LRRC31: variants seen among roughly 807,000 people sequenced by gnomAD.
The protein encoded by LRRC31 is leucine rich repeat containing 31.
LRRC31 carries 35 observed loss-of-function variants against 46.7 expected under a neutral mutation model. The observed-to-expected ratio is 0.75, with a 90% CI of 0.57 to 0.99. The LOEUF (loss-of-function observed/expected upper bound fraction) is 0.99. Ranked by LOEUF, LRRC31 falls within the 50% of genes least tolerant of loss-of-function variation. LRRC31 has a pLI of 0.00. For missense variants in LRRC31, 613 were observed against 626.1 expected, an observed-to-expected ratio of 0.98 and a Z score of 0.22; for synonymous variants, 236 against 235.1, an observed-to-expected ratio of 1.00 and a Z score of -0.03.
chr3:169,857,279 A>G (rs949216873), intron 3 of LRRC31, among the ~76,000 whole-genome samples: 3 of 142,864 alleles, frequency 2.1e-5, no homozygotes, highest in Non-Finnish European at 4.5e-5. Context: ...TGGCCACCAC[A>G]GAGGTAAAGC....
chr3:169,865,565 TG>T (rs1198248565), intron 1 of LRRC31, among the ~76,000 whole-genome samples: 1 of 152,216 alleles, frequency 6.6e-6, no homozygotes, highest in African/African-American at 2.4e-5. Flanking sequence ...ATTGGTAACA[TG>T]GGTGGTACTG....
chr3:169,860,716 G>T lies in LRRC31; in HGVS notation c.332C>A (p.Pro111His). The T allele has an allele frequency of 6.2e-7, 1 of 1,613,952 alleles. No homozygotes were observed. The highest frequency in any genetic ancestry group is 1.1e-5 in the South Asian group (1 of 91,070). The change falls in exon 3 of 9, where the codon CCT (proline) becomes CAT (histidine). Residue 111 changes from proline to histidine, a missense_variant. Coordinates refer to ENST00000316428, the MANE Select transcript of LRRC31 (RefSeq NM_024727.4). ...CAGTTCTTCCAAGTCTGGGAGAAAA[G>T]GCAGCAAGGCAACTAGAAGTGAACA... Reference protein sequence around the residue: ...ADMKEMVALLPFLPDLEELDI... With the variant: ...ADMKEMVALLHFLPDLEELDI...
intron 1 of LRRC31, among the ~76,000 whole-genome samples, chr3:169,864,380 G>A (rs1032536674): frequency 6.6e-6 from 1 of 152,154 alleles, no homozygotes; most frequent in Admixed American, 6.5e-5. Flanking sequence ...ATCCCACTGG[G>A]TGCTCTGTCA....
At chr3:169,851,463 C>T (rs1338672361) in intron 7 of LRRC31, among the ~76,000 whole-genome samples, 156 bp downstream of exon 7, 1 of 152,114 alleles carries the variant, frequency 6.6e-6, no homozygotes, top group East Asian at 1.9e-4. Context: ...TTTTTATGGA[C>T]TTTCAGAAGG....
At chr3:169,866,269 G>A (rs1325783650) in intron 1 of LRRC31, among the ~76,000 whole-genome samples, 1 of 152,148 alleles carries the variant, frequency 6.6e-6, no homozygotes, top group African/African-American at 2.4e-5. Context: ...CTAGGCAGCA[G>A]CAATGGAGAG....
At position 169,863,040 on chromosome 3, in the gene LRRC31, G is replaced by A. The variant is rs1245471105; in HGVS notation, c.176-1227C>T. Among the ~76,000 whole-genome samples the A allele has an allele frequency of 4.6e-5, 7 of 151,738 alleles. No individual in the cohort carries two copies. The East Asian group carries it at 9.8e-4, about 21-fold the overall frequency. ...TGGGACTACAAGCGCCTGCCACCAC[G>A]CCCGGCTAATTTTTGTATTTTTAGT... is the stretch of plus-strand genomic sequence containing the variant. On this transcript the variant is annotated intron_variant, in intron 1 of 8. Coordinates refer to ENST00000316428, the MANE Select transcript of LRRC31 (RefSeq NM_024727.4).
Position 169,840,312 on chromosome 3 carries a change from T to TG in LRRC31, c.1328dup (p.Ser444IlefsTer20), listed in dbSNP as rs1427712733. 1.2e-6 allele frequency: 2 copies of TG among 1,614,128 alleles called. No individual in the cohort carries two copies. Among genetic ancestry groups the TG allele is most frequent in the East Asian group, 4.5e-5 (2 of 44,886 alleles). On this transcript the variant is annotated frameshift_variant and splice_region_variant, in exon 9 of 9. Coordinates refer to ENST00000316428, the MANE Select transcript of LRRC31 (RefSeq NM_024727.4). LOFTEE classifies it low-confidence loss of function (END_TRUNC). ...CCAGATGACCCGTCTGTATGACCGATGCTGGAAAACAGAATCACTCTAAAT... is the reference window on the plus strand; with the variant it reads ...CCAGATGACCCGTCTGTATGACCGATGGCTGGAAAACAGAATCACTCTAAAT...
chr3:169,861,969 G>C (rs1781181655), intron 1 of LRRC31, among the ~76,000 whole-genome samples, 156 bp from the exon 2 acceptor site: 1 of 152,216 alleles, frequency 6.6e-6, no homozygotes, highest in Non-Finnish European at 1.5e-5. Flanking sequence ...TAGGGACAAA[G>C]CTTAACTAAC....
intron 8 of LRRC31, among the ~76,000 whole-genome samples, chr3:169,847,487 A>G (rs1780641333): frequency 6.6e-6 from 1 of 152,174 alleles, no homozygotes; most frequent in African/African-American, 2.4e-5. Context: ...GCCCAGACAC[A>G]TAAAATGATT....
chr3:169,858,268 GAAC>G (rs1221972904), intron 3 of LRRC31, among the ~76,000 whole-genome samples: 2 of 152,164 alleles, frequency 1.3e-5, no homozygotes, highest in Non-Finnish European at 2.9e-5. Flanking sequence ...GCAAACATCA[GAAC>G]AACAACAGTG....
At chr3:169,847,450 G>A (rs967867431) in intron 8 of LRRC31, among the ~76,000 whole-genome samples, 9 of 152,246 alleles carry the variant, frequency 5.9e-5, no homozygotes, top group Admixed American at 1.3e-4. Context: ...CTCCCAAAGC[G>A]TTGGGATTAT....
intron 1 of LRRC31, among the ~76,000 whole-genome samples, chr3:169,862,386 A>G (rs1462820800): frequency 6.6e-6 from 1 of 152,132 alleles, no homozygotes; most frequent in Non-Finnish European, 1.5e-5. Flanking sequence ...CCAGAAAGTG[A>G]ATTTGGAAAG....
chr3:169,854,401 G>C lies in LRRC31; in HGVS notation c.991+412C>G, dbSNP rs191156822. The stretch of plus-strand genomic sequence containing the variant: ...TACAGCCATCACGCGCCACCCTGCT[G>C]ACTCTTTTTCTGTAACTTCATTTGT... On this transcript the variant is annotated intron_variant, in intron 6 of 8. Transcript: ENST00000316428. Among the ~76,000 whole-genome samples the C allele has an allele frequency of 5.9e-5, 9 of 152,286 alleles. No individual in the cohort carries two copies. In the East Asian group the frequency reaches 1.7e-3, roughly 29 times the overall value.
rs1052327545 is a variant in LRRC31 at position 169,845,748 on chromosome 3, C to A, written c.1327+2372G>T. 2.0e-5 allele frequency among the ~76,000 whole-genome samples: 3 copies of A among 152,158 alleles called. No homozygotes were observed. The East Asian group carries it at 5.8e-4, about 29-fold the overall frequency. ...CAAAATATAAAATGCAAATACAAAG[C>A]TTTAAGACAAAAATATGGAAAAAAT... is the stretch of plus-strand genomic sequence containing the variant. On this transcript the variant is annotated intron_variant, in intron 8 of 8. Transcript: ENST00000316428.
intron 8 of LRRC31, among the ~76,000 whole-genome samples, chr3:169,841,353 G>A (rs917760386): frequency 1.3e-5 from 2 of 152,152 alleles, no homozygotes; most frequent in Non-Finnish European, 2.9e-5. Flanking sequence ...ACATGCCCTG[G>A]TCTTTCAGTC....
At position 169,862,899 on chromosome 3, in the gene LRRC31, G is replaced by A. The variant is rs202232665; in HGVS notation, c.176-1086C>T. Among the ~76,000 whole-genome samples, 3 of 147,378 alleles carry A rather than the reference G, an allele frequency of 2.0e-5. No individual in the cohort carries two copies. The East Asian group carries it at 6.1e-4, about 30-fold the overall frequency. ...TTTTCTTTCTTTTTTTTTTTGTTGGGGGGGATGGAGTCTCACTCTGTCACC... is the reference window on the plus strand; with the variant it reads ...TTTTCTTTCTTTTTTTTTTTGTTGGAGGGGATGGAGTCTCACTCTGTCACC... On this transcript the variant is annotated intron_variant, in intron 1 of 8. Coordinates refer to ENST00000316428, the MANE Select transcript of LRRC31 (RefSeq NM_024727.4).
At position 169,861,805 on chromosome 3, in the gene LRRC31, G is replaced by C. The variant is rs780151790; in HGVS notation, c.184C>G (p.Leu62Val). The change falls in exon 2 of 9, where the codon CTC (leucine) becomes GTC (valine). Residue 62 changes from leucine (L) to valine (V), a missense_variant. Physicochemically the swap from Leu to Val is conservative, Grantham distance 32. Coordinates refer to ENST00000316428, the MANE Select transcript of LRRC31 (RefSeq NM_024727.4). The stretch of plus-strand genomic sequence containing the variant: ...GATCTCCATTCCATTTCTGAACTGA[G>C]AGGCTTAGCTGTGTGATAAGCATAA... ...KTATSETAKP[L>V]SSEMEWRSSM... 1 of 1,613,748 alleles carries C rather than the reference G, an allele frequency of 6.2e-7. No homozygotes were observed. Among genetic ancestry groups the C allele is most frequent in the Non-Finnish European group, 8.5e-7 (1 of 1,179,878 alleles).
intron 7 of LRRC31, 28 bp from the exon 8 acceptor site, chr3:169,848,315 G>C: frequency 6.2e-7 from 1 of 1,602,582 alleles, no homozygotes; most frequent in Middle Eastern, 1.7e-4. Context: ...ACGAACAGCA[G>C]TAATTTAGGA....
chr3:169,851,895 C>A, intron 6 of LRRC31, 109 bp from the exon 7 acceptor site: 1 of 1,080,924 alleles, frequency 9.3e-7, no homozygotes, highest in East Asian at 2.4e-5. Flanking sequence ...CAGCTCTCCC[C>A]ACCCCGGCCC....
Sources: gnomAD v4.1 joint callset for allele counts (sites outside exome capture counted in the v4.1 genomes callset) on GRCh38, gnomAD v4.1.1 for gene constraint, MANE v1.5 for transcripts, NCBI Gene and HGNC (gene_info 2026-07-23, HGNC 2026-07-21) for gene names.